The following DIS3L2 variants were observed in gnomAD, a reference collection of about 807,000 sequenced individuals.
DIS3L2 encodes DIS3 like 3'-5' exoribonuclease 2, also known as DIS3-like exonuclease 2.
Under a neutral mutation model 97.5 loss-of-function variants are expected in DIS3L2, and 34 were observed. That is an observed-to-expected ratio of 0.35 (90% CI 0.27 to 0.46). The LOEUF is 0.46. DIS3L2 is among the 20% of genes least tolerant of loss of function. The probability of loss-of-function intolerance (pLI) is 1.00; values close to 1 mark genes in which losing one functional copy is unlikely to be tolerated. For missense variants in DIS3L2, 1,038 were observed against 1,146.0 expected (o/e 0.91, Z 1.36); for synonymous variants, 435 against 445.2 (o/e 0.98, Z 0.29).
At chr2:232,218,389 T>C (rs1692403507) in intron 10 of DIS3L2, among the ~76,000 whole-genome samples, 1 of 152,086 alleles carries the variant, frequency 6.6e-6, no homozygotes, top group Non-Finnish European at 1.5e-5. Context: ...TGGAGGATAA[T>C]AAGATTTTTC....
chr2:232,052,167 T>G (rs1164892842), intron 5 of DIS3L2, among the ~76,000 whole-genome samples: 1 of 151,978 alleles, frequency 6.6e-6, no homozygotes. Context: ...GGATTACAGA[T>G]GCCCATCACC....
chr2:232,072,927 G>A (rs908175945), intron 5 of DIS3L2, among the ~76,000 whole-genome samples: 1 of 152,102 alleles, frequency 6.6e-6, no homozygotes, highest in East Asian at 1.9e-4. Flanking sequence ...TTGGAAGAAT[G>A]GAGAGAGATT....
chr2:232,329,793 A>ACCCCCCCCCC lies in DIS3L2; in HGVS notation c.1740-20_1740-19insCCCCCCCCCC. 6.8e-6 allele frequency: 1 copy of ACCCCCCCCCC among 147,856 alleles called. No individual in the cohort carries two copies. Among genetic ancestry groups the ACCCCCCCCCC allele is most frequent in the Admixed American group, 1.2e-4 (1 of 8,536 alleles). The allele number at this position is 147,856 out of a possible 1,614,324, so 9.2% of individuals were successfully genotyped here. Reference sequence around the variant, plus strand: ...TCCCCAAACCCCAGCGGTCCCTCCCATCCCACCCACCCTCTGCAGGCTCGT... The same window carrying ACCCCCCCCCC: ...TCCCCAAACCCCAGCGGTCCCTCCCACCCCCCCCCCTCCCACCCACCCTCTGCAGGCTCGT... On this transcript the variant is annotated intron_variant, in intron 14 of 20. Coordinates refer to ENST00000325385, the MANE Select transcript of DIS3L2 (RefSeq NM_152383.5).
chr2:232,118,107 C>T (rs1178934959), intron 6 of DIS3L2, among the ~76,000 whole-genome samples: 3 of 152,176 alleles, frequency 2.0e-5, no homozygotes, highest in Non-Finnish European at 4.4e-5. Context: ...CTCCTTGCTG[C>T]CTCCGCTGCC....
chr2:232,198,323 A>G (rs1049464362), intron 9 of DIS3L2, among the ~76,000 whole-genome samples: 9 of 152,238 alleles, frequency 5.9e-5, no homozygotes, highest in African/African-American at 1.7e-4. Context: ...AGAAGATTTT[A>G]TAGATTGTAT....
intron 10 of DIS3L2, among the ~76,000 whole-genome samples, chr2:232,232,879 A>G (rs189316040): frequency 5.6e-4 from 85 of 152,320 alleles, no homozygotes; most frequent in Admixed American, 9.8e-4. Flanking sequence ...CCTGGGGCAG[A>G]GCACGGAGGC....
intron 14 of DIS3L2, among the ~76,000 whole-genome samples, chr2:232,319,859 C>T (rs544699744): frequency 7.2e-4 from 109 of 152,328 alleles, no homozygotes; most frequent in African/African-American, 2.6e-3. Flanking sequence ...GGTCTGGCCT[C>T]ACCATCTGAC....
Position 231,974,552 on chromosome 2 carries a change from T to C in DIS3L2, c.-94+12787T>C, listed in dbSNP as rs185407120. Among the ~76,000 whole-genome samples, 5 of 152,002 alleles carry C rather than the reference T, an allele frequency of 3.3e-5. No homozygotes were observed. In the East Asian group the frequency reaches 9.6e-4, roughly 29 times the overall value. On this transcript the variant is annotated intron_variant, in intron 1 of 20. Coordinates refer to ENST00000325385, the MANE Select transcript of DIS3L2 (RefSeq NM_152383.5). The stretch of plus-strand genomic sequence containing the variant: ...GTTTAATTTGGATCTTTTTTTTTTT[T>C]TTTAATATCCCAGGTCTCTTAACAT...
At chr2:232,127,176 C>T (rs1417899589) in intron 6 of DIS3L2, among the ~76,000 whole-genome samples, 1 of 152,156 alleles carries the variant, frequency 6.6e-6, no homozygotes, top group African/African-American at 2.4e-5. Flanking sequence ...TGTAAAGCTA[C>T]AGCCCAGGTC....
In DIS3L2 at chr2:232,281,789, C is replaced by G. The variant is rs1335143322; in HGVS notation, c.1660-18251C>G. 1.3e-5 allele frequency among the ~76,000 whole-genome samples: 2 copies of G among 152,146 alleles called. No individual in the cohort carries two copies. Among genetic ancestry groups the G allele is most frequent in the African/African-American group, 4.8e-5 (2 of 41,420 alleles). On this transcript the variant is annotated intron_variant, in intron 13 of 20. Transcript: ENST00000325385. The surrounding 1 kb of genome is among the most constrained non-coding windows in gnomAD (Gnocchi z 4.1). The stretch of plus-strand genomic sequence containing the variant: ...TCCAGGCTTGAGGTGCGTGAGCTGC[C>G]CACTTAAAGACGCTTGCCAGGTGGC...
At chr2:232,243,804 T>C (rs1456088871) in intron 11 of DIS3L2, among the ~76,000 whole-genome samples, 5 of 152,190 alleles carry the variant, frequency 3.3e-5, no homozygotes, top group African/African-American at 4.8e-5. Context: ...CCCTCGGAGA[T>C]AGGGTCCTTC....
intron 4 of DIS3L2, among the ~76,000 whole-genome samples, chr2:232,029,546 G>A (rs1694747666): frequency 6.6e-6 from 1 of 152,038 alleles, no homozygotes; most frequent in South Asian, 2.1e-4. Context: ...TCGGTAGAGT[G>A]TGAAGATCAC....
At chr2:232,257,986 A>T (rs746270885) in intron 12 of DIS3L2, among the ~76,000 whole-genome samples, 1 of 152,184 alleles carries the variant, frequency 6.6e-6, no homozygotes, top group Non-Finnish European at 1.5e-5. Flanking sequence ...CTGTTTTCTC[A>T]ACTGTAAAAT....
intron 1 of DIS3L2, among the ~76,000 whole-genome samples, chr2:232,011,281 G>A (rs1694191773): frequency 6.6e-6 from 1 of 152,112 alleles, no homozygotes; most frequent in Non-Finnish European, 1.5e-5. Flanking sequence ...GAGTGCCCAG[G>A]GACTTGTTCA....
intron 14 of DIS3L2, among the ~76,000 whole-genome samples, chr2:232,323,432 C>T (rs530774021): frequency 6.6e-6 from 1 of 152,218 alleles, no homozygotes; most frequent in African/African-American, 2.4e-5. Context: ...GCCATCTAGC[C>T]TCTGGGGACT....
At chr2:232,300,394 G>T (rs1316009341) in intron 14 of DIS3L2, among the ~76,000 whole-genome samples, 14 of 152,158 alleles carry the variant, frequency 9.2e-5, no homozygotes, top group Admixed American at 9.2e-4. Context: ...ATGTCCCCCA[G>T]ACCCTCCCCA....
chr2:232,301,712 T>C (rs943442358), intron 14 of DIS3L2, among the ~76,000 whole-genome samples: 1 of 152,136 alleles, frequency 6.6e-6, no homozygotes, highest in African/African-American at 2.4e-5. Context: ...GGTTGAAGAG[T>C]ATTTATTCAA....
chr2:232,193,848 C>T (rs1196124480), intron 9 of DIS3L2, among the ~76,000 whole-genome samples: 5 of 152,198 alleles, frequency 3.3e-5, no homozygotes, highest in Admixed American at 1.3e-4. Context: ...ATTCAATTCA[C>T]GGCGAGGCCC....
intron 6 of DIS3L2, among the ~76,000 whole-genome samples, chr2:232,124,501 A>G (rs1697998845): frequency 1.3e-5 from 2 of 152,210 alleles, no homozygotes. Context: ...AGAGAAAGTT[A>G]ACAAACTGGA....
Sources: gnomAD v4.1 joint callset for allele counts (sites outside exome capture counted in the v4.1 genomes callset) on GRCh38, gnomAD v4.1.1 for gene constraint, Gnocchi (gnomAD v3.1) non-coding constraint, MANE v1.5 for transcripts, NCBI Gene and HGNC (gene_info 2026-07-23, HGNC 2026-07-21) for gene names.